The following RPS6KA5 variants were observed in gnomAD, a reference collection of about 807,000 sequenced individuals.
RPS6KA5 encodes the protein ribosomal protein S6 kinase A5.
In RPS6KA5, 27 loss-of-function variants were observed where a neutral mutation model predicts 85.5. The observed-to-expected ratio is 0.32, with a 90% CI of 0.23 to 0.44. The LOEUF is 0.44. RPS6KA5 is among the 20% of genes least tolerant of loss of function. The pLI, the probability that RPS6KA5 is intolerant of heterozygous loss-of-function variation, is 1.00. For missense variants in RPS6KA5, 811 were observed against 980.9 expected, an observed-to-expected ratio of 0.83 and a Z score of 2.31; for synonymous variants, 334 against 348.2, an observed-to-expected ratio of 0.96 and a Z score of 0.46.
rs1322276080 is a variant in RPS6KA5 at position 90,863,003 on chromosome 14, T to A, written c.*9071A>T. The A allele has an allele frequency of 6.6e-6, 1 of 151,878 alleles. No individual in the cohort carries two copies. The highest frequency in any genetic ancestry group is 1.5e-5 in the Non-Finnish European group (1 of 67,970). The allele number at this position is 151,878 out of a possible 1,614,324, so 9.4% of individuals were successfully genotyped here. ...CTGCTATATGATATCTATAAAAAAA[T>A]TAAATAAAACATAATATTGGGCTGG... On this transcript the variant is annotated 3_prime_UTR_variant, in exon 17 of 17. Transcript: ENST00000614987.
chr14:90,931,549 A>C (rs2036979859), intron 5 of RPS6KA5, among the ~76,000 whole-genome samples: 1 of 152,200 alleles, frequency 6.6e-6, no homozygotes, highest in Non-Finnish European at 1.5e-5. Context: ...ATTTTTTTAA[A>C]ATTAAAAAAA....
At chr14:90,928,461 T>G (rs887483291) in intron 5 of RPS6KA5, among the ~76,000 whole-genome samples, 2 of 151,814 alleles carry the variant, frequency 1.3e-5, no homozygotes, top group African/African-American at 2.4e-5. Flanking sequence ...CAAAAGCTCT[T>G]TCTTATAAAA....
intron 1 of RPS6KA5, chr14:91,052,465 TA>T (rs71120103): frequency 0.63 from 82,865 of 132,542 alleles, 24,982 homozygotes; most frequent in East Asian, 0.9. Context: ...ACTCGTCTCT[TA>T]AAAAAAAAAA....
chr14:90,994,410 C>T (rs2040427965), intron 2 of RPS6KA5, among the ~76,000 whole-genome samples: 1 of 151,718 alleles, frequency 6.6e-6, no homozygotes, highest in Non-Finnish European at 1.5e-5. Flanking sequence ...ATGTATTATT[C>T]CGTAATATTA....
chr14:90,913,067 C>T (rs372210011), intron 7 of RPS6KA5, among the ~76,000 whole-genome samples: 12 of 151,936 alleles, frequency 7.9e-5, no homozygotes, highest in East Asian at 3.9e-4. Context: ...CTCGCCACCA[C>T]GCCCAGCTAA....
At chr14:90,890,804 C>T (rs1595138301) in intron 13 of RPS6KA5, 126 bp from the exon 14 acceptor site, 3 of 742,030 alleles carry the variant, frequency 4.0e-6, no homozygotes, top group Admixed American at 2.6e-5. Context: ...TGGGGAGGCG[C>T]GAGGGCAGGA....
chr14:90,958,277 T>C (rs1025388219), intron 3 of RPS6KA5, among the ~76,000 whole-genome samples: 1 of 152,168 alleles, frequency 6.6e-6, no homozygotes, highest in Non-Finnish European at 1.5e-5. Context: ...ATTTGGAAAA[T>C]TTTGCATCCA....
intron 1 of RPS6KA5, among the ~76,000 whole-genome samples, chr14:91,037,777 G>A (rs1259475075): frequency 2.6e-5 from 4 of 152,162 alleles, no homozygotes; most frequent in African/African-American, 7.2e-5. Flanking sequence ...CCTGAGTTAC[G>A]AATAGCGTTC....
At chr14:91,030,923 T>G (rs1272945553) in intron 1 of RPS6KA5, among the ~76,000 whole-genome samples, 1 of 151,906 alleles carries the variant, frequency 6.6e-6, no homozygotes, top group Non-Finnish European at 1.5e-5. Context: ...CACAGAATAA[T>G]CTTGGAAATC....
intron 5 of RPS6KA5, among the ~76,000 whole-genome samples, chr14:90,942,355 A>T (rs1257009270): frequency 1.3e-5 from 2 of 152,204 alleles, no homozygotes; most frequent in African/African-American, 4.8e-5. Context: ...ACAATTTCCT[A>T]GATAGAAACG....
chr14:90,868,534 T>TATTAG lies in RPS6KA5; in HGVS notation c.*3535_*3539dup, dbSNP rs1413357996. 6.6e-6 allele frequency: 1 copy of TATTAG among 152,208 alleles called. No individual in the cohort carries two copies. The highest frequency in any genetic ancestry group is 2.4e-5 in the African/African-American group (1 of 41,464). 9.4% of individuals were successfully genotyped at this position (152,208 alleles called of 1,614,324 possible). A position where few individuals can be genotyped will look rare whatever the true frequency, so the allele number is the denominator to read the frequency against. On this transcript the variant is annotated 3_prime_UTR_variant, in exon 17 of 17. Coordinates refer to ENST00000614987, the MANE Select transcript of RPS6KA5 (RefSeq NM_004755.4). ...ACTTATTTACTTAGATCTTAAGGAA[T>TATTAG]ATTAGATGTATTCTCACATGAACAC...
At chr14:90,981,531 T>C (rs549554076) in intron 2 of RPS6KA5, among the ~76,000 whole-genome samples, 1 of 152,352 alleles carries the variant, frequency 6.6e-6, no homozygotes, top group East Asian at 1.9e-4. Flanking sequence ...ATCATCCTGA[T>C]TGCTATGTTA....
intron 4 of RPS6KA5, among the ~76,000 whole-genome samples, chr14:90,946,004 T>A (rs1041368276): frequency 3.9e-5 from 6 of 152,202 alleles, no homozygotes; most frequent in African/African-American, 1.4e-4. Context: ...GAGCTATTCA[T>A]TTTGTTTCTT....
intron 5 of RPS6KA5, among the ~76,000 whole-genome samples, chr14:90,923,746 T>C (rs2036522572): frequency 6.6e-6 from 1 of 152,110 alleles, no homozygotes; most frequent in African/African-American, 2.4e-5. Flanking sequence ...TGTGTAGGTT[T>C]GACAACGCTA....
At chr14:90,921,749 A>G (rs1214163868) in intron 6 of RPS6KA5, among the ~76,000 whole-genome samples, 1 of 152,212 alleles carries the variant, frequency 6.6e-6, no homozygotes, top group Non-Finnish European at 1.5e-5. Flanking sequence ...TAAATACATG[A>G]TTAGTCGTCA....
Position 90,850,307 on chromosome 14 carries a change from T to C in RPS6KA5, c.*21767A>G, listed in dbSNP as rs2031929482. On this transcript the variant is annotated 3_prime_UTR_variant, in exon 17 of 17. Coordinates refer to ENST00000614987, the MANE Select transcript of RPS6KA5 (RefSeq NM_004755.4). ...TGCTACAGAATGACAAGAAGAACAG[T>C]CATGATTGTAGTCAATTTTAAAAAT... 1 of 152,152 alleles carries C rather than the reference T, an allele frequency of 6.6e-6. No homozygotes were observed. Among genetic ancestry groups the C allele is most frequent in the Non-Finnish European group, 1.5e-5 (1 of 68,032 alleles). The allele number at this position is 152,152 out of a possible 1,614,324, so 9.4% of individuals were successfully genotyped here. A position where few individuals can be genotyped will look rare whatever the true frequency, so the allele number is the denominator to read the frequency against.
Position 91,023,174 on chromosome 14 carries a change from T to A in RPS6KA5, c.104-22015A>T, listed in dbSNP as rs1050164848. The stretch of plus-strand genomic sequence containing the variant: ...GTCTCAGCTCTACAAATAAGTATAT[T>A]AAGTGCTCACCATCAGGTTGTTTTC... On this transcript the variant is annotated intron_variant, in intron 1 of 16. Transcript: ENST00000614987. Among the ~76,000 whole-genome samples, 102 of 152,060 alleles carry A rather than the reference T, an allele frequency of 6.7e-4. 1 individual carries two copies. The highest frequency in any genetic ancestry group is 2.4e-3 in the African/African-American group (98 of 41,482).
chr14:90,993,712 T>A (rs1160561054), intron 2 of RPS6KA5, among the ~76,000 whole-genome samples: 1 of 152,194 alleles, frequency 6.6e-6, no homozygotes, highest in African/African-American at 2.4e-5. Flanking sequence ...CTCATGTTCA[T>A]CAGTTTCTCT....
At chr14:90,937,433 C>G (rs1175053600) in intron 5 of RPS6KA5, among the ~76,000 whole-genome samples, 1 of 151,834 alleles carries the variant, frequency 6.6e-6, no homozygotes, top group African/African-American at 2.4e-5. Flanking sequence ...ATTTATCAGT[C>G]CATTCATCTC....
Sources: gnomAD v4.1 joint callset for allele counts (sites outside exome capture counted in the v4.1 genomes callset) on GRCh38, gnomAD v4.1.1 for gene constraint, MANE v1.5 for transcripts, NCBI Gene and HGNC (gene_info 2026-07-23, HGNC 2026-07-21) for gene names.